Variants in INTS6 observed in about 807,000 individuals in gnomAD.
INTS6 encodes DEAD box protein.
Under a neutral mutation model 104.9 loss-of-function variants are expected in INTS6, and 16 were observed. The observed-to-expected ratio is 0.15, with a 90% CI of 0.10 to 0.23. The LOEUF (loss-of-function observed/expected upper bound fraction) is 0.23, where lower values mean the gene tolerates loss of function less well. Ranked by LOEUF, INTS6 falls within the 10% of genes least tolerant of loss-of-function variation. The pLI, the probability that INTS6 is intolerant of heterozygous loss-of-function variation, is 1.00. For synonymous variants in INTS6, 324 were observed against 358.7 expected (o/e 0.90, Z 1.09); for missense variants, 584 against 1,062.8 (o/e 0.55, Z 6.26).
At chr13:51,369,377 C>T in intron 15 of INTS6, 67 bp from the exon 16 acceptor site, 4 of 1,447,552 alleles carry the variant, frequency 2.8e-6, no homozygotes, top group East Asian at 2.3e-5. Flanking sequence ...AATAAAGCTA[C>T]AAAAGAACAT....
chr13:51,428,751 C>T (rs558466546), intron 4 of INTS6, among the ~76,000 whole-genome samples: 1 of 152,280 alleles, frequency 6.6e-6, no homozygotes, highest in South Asian at 2.1e-4. Context: ...AGTTCAGCTA[C>T]AGAGCATTCC....
chr13:51,441,009 C>A (rs561272350), intron 3 of INTS6: 1 of 152,148 alleles, frequency 6.6e-6, no homozygotes, highest in Non-Finnish European at 1.5e-5. Flanking sequence ...CATAAATGAG[C>A]CCCTACCATA....
At chr13:51,338,335 C>G in the INTS6 span, among the ~76,000 whole-genome samples, 1 of 152,118 alleles carries the variant, frequency 6.6e-6, no homozygotes, top group South Asian at 2.1e-4. Flanking sequence ...CTCTAAGTCC[C>G]ATAGAAGCTG....
At chr13:51,402,298 T>C (rs1167451886) in intron 4 of INTS6, among the ~76,000 whole-genome samples, 1 of 152,184 alleles carries the variant, frequency 6.6e-6, no homozygotes, top group Non-Finnish European at 1.5e-5. Context: ...TAATATAAGA[T>C]TGTATGTTAG....
chr13:51,420,158 TC>T (rs1194605831), intron 4 of INTS6, among the ~76,000 whole-genome samples: 3 of 152,192 alleles, frequency 2.0e-5, no homozygotes, highest in Non-Finnish European at 4.4e-5. Flanking sequence ...GATCAGAATT[TC>T]CTTTGTATAA....
downstream of INTS6, among the ~76,000 whole-genome samples, chr13:51,352,479 T>TG (rs1398859814): frequency 2.6e-5 from 4 of 152,012 alleles, no homozygotes; most frequent in Admixed American, 1.3e-4. Context: ...AGGTTTTTTT[T>TG]TGTGTGTGTG....
intron 15 of INTS6, 80 bp from the exon 16 acceptor site, chr13:51,369,390 C>A (rs983003094): frequency 7.3e-7 from 1 of 1,373,252 alleles, no homozygotes; most frequent in Admixed American, 2.2e-5. Flanking sequence ...AAGAACATTA[C>A]TACAGCAAGT....
downstream of INTS6, among the ~76,000 whole-genome samples, chr13:51,353,777 T>C (rs1025935085): frequency 6.6e-6 from 1 of 152,220 alleles, no homozygotes; most frequent in Non-Finnish European, 1.5e-5. Flanking sequence ...TGTATAGCAA[T>C]GAAGACCTTT....
intron 4 of INTS6, among the ~76,000 whole-genome samples, chr13:51,396,832 G>A (rs966881247): frequency 6.6e-6 from 1 of 152,144 alleles, no homozygotes; most frequent in Non-Finnish European, 1.5e-5. Context: ...AATCTGAAGA[G>A]TTAAAACTGT....
chr13:51,449,547 A>C, intron 3 of INTS6: 1 of 985,036 alleles, frequency 1.0e-6, no homozygotes, highest in Non-Finnish European at 1.2e-6. Context: ...ACCACTTATG[A>C]AATGTGATGC....
intron 4 of INTS6, chr13:51,402,687 G>T (rs1224182453): frequency 6.6e-6 from 1 of 152,060 alleles, no homozygotes; most frequent in Non-Finnish European, 1.5e-5. Flanking sequence ...ATTTAAATTT[G>T]GGAAGACTGT....
chr13:51,432,043 A>G lies in INTS6; in HGVS notation c.340-1660T>C, dbSNP rs556198720. ...AACTCTTAGCTTTGATTGTTTCCCT[A>G]AAGTAGAATGCTTTTCCTCTTCCCT... On this transcript the variant is annotated intron_variant, in intron 3 of 17. Coordinates refer to ENST00000311234, the MANE Select transcript of INTS6 (RefSeq NM_012141.3). Among the ~76,000 whole-genome samples the G allele has an allele frequency of 7.2e-5, 11 of 152,168 alleles. No individual in the cohort carries two copies. In the South Asian group the frequency reaches 1.7e-3, roughly 23 times the overall value.
At position 51,449,253 on chromosome 13, in the gene INTS6, A is replaced by C. The variant is rs1055853138; in HGVS notation, c.339+1772T>G. 3 of 153,066 alleles carry C rather than the reference A, an allele frequency of 2.0e-5. No individual in the cohort carries two copies. In the Admixed American group the frequency reaches 2.0e-4, roughly 10 times the overall value. The allele number at this position is 153,066 out of a possible 1,614,324, so 9.5% of individuals were successfully genotyped here. A position where few individuals can be genotyped will look rare whatever the true frequency, so the allele number is the denominator to read the frequency against. On this transcript the variant is annotated intron_variant, in intron 3 of 17. Coordinates refer to ENST00000311234, the MANE Select transcript of INTS6 (RefSeq NM_012141.3). ...GTGAGAAGCATCATCCCTCTCTGTT[A>C]TTGAATTAATAAATCCTGACATGCA...
chr13:51,417,664 C>T (rs1230904367), intron 4 of INTS6, among the ~76,000 whole-genome samples: 1 of 152,008 alleles, frequency 6.6e-6, no homozygotes, highest in African/African-American at 2.4e-5. Flanking sequence ...ACCGGGTTGG[C>T]CAGGCTGGTC....
chr13:51,347,259 T>C, the INTS6 span: 5 of 1,604,868 alleles, frequency 3.1e-6, no homozygotes, highest in Non-Finnish European at 4.3e-6. Context: ...TGCTGGTTTG[T>C]CTAAAGGGAG....
At chr13:51,444,802 T>A (rs1378480527) in intron 3 of INTS6, 4 of 112,800 alleles carry the variant, frequency 3.5e-5, no homozygotes, top group African/African-American at 1.1e-4. Context: ...TCATTTTTCT[T>A]TTTTTTTTTT....
downstream of INTS6, chr13:51,361,423 C>T: frequency 1.9e-6 from 2 of 1,043,480 alleles, no homozygotes; most frequent in Non-Finnish European, 2.9e-6. Context: ...CTGAAATTTA[C>T]CTAGTTGAAT....
intron 3 of INTS6, chr13:51,441,388 G>A (rs563477671): frequency 6.6e-6 from 1 of 152,122 alleles, no homozygotes; most frequent in Non-Finnish European, 1.5e-5. Context: ...CTGCAAGATA[G>A]GTCTTTTCAT....
chr13:51,423,861 G>A (rs1213098666), intron 4 of INTS6, among the ~76,000 whole-genome samples: 1 of 151,980 alleles, frequency 6.6e-6, no homozygotes, highest in South Asian at 2.1e-4. Context: ...AAAAATTGTG[G>A]TTAGATTGTG....
Sources: allele counts gnomAD v4.1 joint callset (sites outside exome capture counted in the v4.1 genomes callset), GRCh38; gene constraint gnomAD v4.1.1; transcripts MANE v1.5; gene names NCBI Gene and HGNC (gene_info 2026-07-23, HGNC 2026-07-21).